Variants in IQGAP2 observed in about 807,000 individuals in gnomAD.
IQGAP2 encodes IQ motif containing GTPase activating protein 2, also known as ras GTPase-activating-like protein IQGAP2.
In IQGAP2, 173 loss-of-function variants were observed where a neutral mutation model predicts 201.3. The ratio of observed to expected loss-of-function variants is 0.86; its 90% confidence interval spans 0.76 to 0.98. The LOEUF is 0.98. IQGAP2 is among the 50% of genes least tolerant of loss of function. The pLI, the probability that IQGAP2 is intolerant of heterozygous loss-of-function variation, is 0.00. For missense variants in IQGAP2, 1,687 were observed against 1,864.8 expected (o/e 0.90, Z 1.76); for synonymous variants, 675 against 673.9 (o/e 1.00, Z -0.03).
intron 5 of IQGAP2, among the ~76,000 whole-genome samples, chr5:76,582,709 G>GA (rs1392755337): frequency 5.3e-5 from 8 of 152,162 alleles, no homozygotes; most frequent in Non-Finnish European, 1.2e-4. Flanking sequence ...GAAAGTGGTA[G>GA]AAAAAACTAA....
At chr5:76,574,781 A>G (rs565685905) in intron 4 of IQGAP2, among the ~76,000 whole-genome samples, 2 of 152,338 alleles carry the variant, frequency 1.3e-5, no homozygotes, top group Middle Eastern at 3.4e-3. Context: ...GTAATTTCAT[A>G]TTTAGATGAT....
At position 76,673,992 on chromosome 5, in the gene IQGAP2, A is replaced by G; in HGVS notation, c.3250A>G (p.Ile1084Val). ...RYIAKVLKNS[I>V]HEKFPDATED... Reference sequence around the variant, plus strand: ...TATAGCCAAAGTACTGAAGAATTCGATCCATGAGAAATTCCCCGATGCAAC... The same window carrying G: ...TATAGCCAAAGTACTGAAGAATTCGGTCCATGAGAAATTCCCCGATGCAAC... The change falls in exon 26 of 36, where the codon ATC becomes GTC. Residue 1084 changes from isoleucine to valine, a missense_variant. Physicochemically the swap from Ile to Val is conservative, Grantham distance 29 (BLOSUM62 3). Coordinates refer to ENST00000274364, the MANE Select transcript of IQGAP2 (RefSeq NM_006633.5). 1 of 1,609,494 alleles carries G rather than the reference A, an allele frequency of 6.2e-7. No individual in the cohort carries two copies. The highest frequency in any genetic ancestry group is 8.5e-7 in the Non-Finnish European group (1 of 1,175,866).
At chr5:76,697,753 A>G (rs966487198) in intron 32 of IQGAP2, among the ~76,000 whole-genome samples, 3 of 152,216 alleles carry the variant, frequency 2.0e-5, no homozygotes, top group Non-Finnish European at 4.4e-5. Context: ...TTCCATCCAG[A>G]GCAAAATTAA....
intron 28 of IQGAP2, among the ~76,000 whole-genome samples, chr5:76,677,937 T>A (rs561312941): frequency 5.9e-5 from 9 of 151,880 alleles, no homozygotes; most frequent in East Asian, 1.9e-4. Flanking sequence ...CCTCAAAAAA[T>A]AAATAAATAA....
At chr5:76,469,589 A>C (rs1277718660) in intron 2 of IQGAP2, among the ~76,000 whole-genome samples, 3 of 152,196 alleles carry the variant, frequency 2.0e-5, no homozygotes, top group Admixed American at 6.5e-5. Context: ...ATTGTTGTAG[A>C]GACAGGATCT....
intron 15 of IQGAP2, among the ~76,000 whole-genome samples, chr5:76,635,487 C>T (rs1201792720): frequency 6.6e-6 from 1 of 152,076 alleles, no homozygotes; most frequent in African/African-American, 2.4e-5. Flanking sequence ...AGACAGTTGC[C>T]TTAAGAAGGG....
chr5:76,433,219 C>G (rs1752473503), intron 1 of IQGAP2, among the ~76,000 whole-genome samples: 1 of 152,158 alleles, frequency 6.6e-6, no homozygotes, highest in Non-Finnish European at 1.5e-5. Flanking sequence ...TTGTTTTTGG[C>G]ACATTTGCTT....
Position 76,570,618 on chromosome 5 carries a change from C to A in IQGAP2, c.342C>A (p.Val114=), listed in dbSNP as rs544252052. The change falls in exon 4 of 36, where the codon GTC becomes GTA. Residue 114 remains valine (V), a synonymous_variant. Transcript: ENST00000274364. The part of the protein sequence containing the change: ...GLHFRHTDNT[V]QWLRAMESIG... ...ATTTTCGACACACAGATAATACCGT[C>A]CAGTGGTTAAGAGCGATGGAGTCTA... 1.2e-6 allele frequency: 2 copies of A among 1,613,898 alleles called. 1 individual carries two copies. The highest frequency in any genetic ancestry group is 2.2e-5 in the South Asian group (2 of 91,080).
chr5:76,560,090 A>G (rs2150250489), intron 2 of IQGAP2, among the ~76,000 whole-genome samples: 1 of 152,310 alleles, frequency 6.6e-6, no homozygotes, highest in East Asian at 1.9e-4. Context: ...TGTTTAACAT[A>G]GAAGTGTTTT....
chr5:76,572,581 G>A (rs1172072438), intron 4 of IQGAP2, among the ~76,000 whole-genome samples: 1 of 151,994 alleles, frequency 6.6e-6, no homozygotes, highest in African/African-American at 2.4e-5. Context: ...GGGGTTACAG[G>A]TGGGCACCAC....
At chr5:76,595,243 C>CTTTTTTTTTTTT (rs1180358517) in intron 9 of IQGAP2, among the ~76,000 whole-genome samples, 5 of 35,310 alleles carry the variant, frequency 1.4e-4, no homozygotes, top group African/African-American at 6.1e-4. Flanking sequence ...CATTTCTTTG[C>CTTTTTTTTTTTT]TTTTTTTTTT....
chr5:76,508,683 T>C (rs1757758120), intron 2 of IQGAP2, among the ~76,000 whole-genome samples: 2 of 151,972 alleles, frequency 1.3e-5, no homozygotes, highest in Admixed American at 6.6e-5. Context: ...TCTCTGGTTT[T>C]TTTTTTGTTT....
chr5:76,406,418 A>G (rs1443371949), intron 1 of IQGAP2, among the ~76,000 whole-genome samples: 2 of 152,252 alleles, frequency 1.3e-5, no homozygotes, highest in African/African-American at 4.8e-5. Context: ...AGCTGAAACA[A>G]TTCAGTAACA....
At chr5:76,457,678 T>G (rs1255077314) in intron 1 of IQGAP2, among the ~76,000 whole-genome samples, 13 of 152,228 alleles carry the variant, frequency 8.5e-5, no homozygotes, top group Admixed American at 8.5e-4. Context: ...AGGTAGATTT[T>G]GGGCTATTTT....
chr5:76,700,535 A>G (rs1460433949), intron 33 of IQGAP2, among the ~76,000 whole-genome samples: 1 of 152,138 alleles, frequency 6.6e-6, no homozygotes, highest in Non-Finnish European at 1.5e-5. Flanking sequence ...CCAAAAAAGC[A>G]AAGAGTACCA....
chr5:76,658,319 G>A (rs766405614), intron 20 of IQGAP2, 140 bp from the exon 21 acceptor site: 6 of 702,350 alleles, frequency 8.5e-6, no homozygotes, highest in South Asian at 1.7e-5. Flanking sequence ...TTGTGTGGGG[G>A]TGGGTAGAAT....
chr5:76,418,487 A>T (rs891983858), intron 1 of IQGAP2, among the ~76,000 whole-genome samples: 9 of 151,880 alleles, frequency 5.9e-5, no homozygotes, highest in African/African-American at 1.7e-4. Context: ...TGCTTGAGCC[A>T]TGGAGTTTGA....
At chr5:76,640,360 C>G (rs1375211242) in intron 16 of IQGAP2, among the ~76,000 whole-genome samples, 4 of 152,128 alleles carry the variant, frequency 2.6e-5, no homozygotes, top group Non-Finnish European at 5.9e-5. Flanking sequence ...CTTATAACCC[C>G]CTTCTTCCTT....
chr5:76,676,456 C>T (rs192478300), intron 27 of IQGAP2, among the ~76,000 whole-genome samples: 37 of 152,204 alleles, frequency 2.4e-4, no homozygotes, highest in Middle Eastern at 3.4e-3. Context: ...GGAGAGATGC[C>T]GACAATGATT....
Sources: allele counts gnomAD v4.1 joint callset (sites outside exome capture counted in the v4.1 genomes callset), GRCh38; gene constraint gnomAD v4.1.1; transcripts MANE v1.5; gene names NCBI Gene and HGNC (gene_info 2026-07-23, HGNC 2026-07-21).